Variants in TTC28 observed in about 807,000 individuals in gnomAD.
TTC28 encodes the protein tetratricopeptide repeat domain 28, also known as tetratricopeptide repeat protein 28.
A neutral mutation model predicts 198.0 loss-of-function variants in TTC28; 61 were observed. The observed-to-expected ratio is 0.31, with a 90% CI of 0.25 to 0.38. The LOEUF is 0.38. TTC28 is among the 10% of genes least tolerant of loss of function. The pLI, the probability that TTC28 is intolerant of heterozygous loss-of-function variation, is 1.00. For synonymous variants in TTC28, 1,171 were observed against 1,297.8 expected (o/e 0.90, Z 2.10); for missense variants, 2,678 against 3,164.0 (o/e 0.85, Z 3.69).
chr22:28,032,203 A>AT (rs1466799060), intron 12 of TTC28, among the ~76,000 whole-genome samples: 4 of 113,100 alleles, frequency 3.5e-5, no homozygotes, highest in Non-Finnish European at 5.6e-5. Flanking sequence ...ATATATATAT[A>AT]AAATATATAT....
At chr22:28,077,041 C>G (rs1181188412) in intron 12 of TTC28, among the ~76,000 whole-genome samples, 2 of 152,158 alleles carry the variant, frequency 1.3e-5, no homozygotes, top group African/African-American at 2.4e-5. Flanking sequence ...TACTTTTTCA[C>G]TTATTAATTA....
intron 5 of TTC28, among the ~76,000 whole-genome samples, chr22:28,205,205 G>A (rs1277715960): frequency 1.3e-5 from 2 of 151,806 alleles, no homozygotes; most frequent in African/African-American, 4.8e-5. Flanking sequence ...TTGTTTTAAC[G>A]CAACACACAC....
At chr22:28,136,150 C>T (rs909741535) in intron 6 of TTC28, among the ~76,000 whole-genome samples, 5 of 152,062 alleles carry the variant, frequency 3.3e-5, no homozygotes, top group African/African-American at 4.8e-5. Flanking sequence ...AAAATGCTTA[C>T]GTTTTGTTTT....
At chr22:28,552,235 CACAA>C (rs2049686744) in intron 2 of TTC28, among the ~76,000 whole-genome samples, 1 of 152,094 alleles carries the variant, frequency 6.6e-6, no homozygotes. Context: ...TCACAGATGA[CACAA>C]ACAAATGGAA....
intron 5 of TTC28, among the ~76,000 whole-genome samples, chr22:28,222,426 T>C (rs940552136): frequency 1.3e-5 from 2 of 152,190 alleles, no homozygotes; most frequent in African/African-American, 4.8e-5. Context: ...AAGAAAAACA[T>C]GTCTTGGCAC....
intron 20 of TTC28, among the ~76,000 whole-genome samples, chr22:27,990,274 C>T (rs1601486817): frequency 6.6e-6 from 1 of 152,302 alleles, no homozygotes; most frequent in Non-Finnish European, 1.5e-5. Context: ...TGTCTTCCCT[C>T]AGGCGTGGGA....
intron 6 of TTC28, among the ~76,000 whole-genome samples, chr22:28,136,114 C>A (rs1251633827): frequency 1.3e-5 from 2 of 152,150 alleles, no homozygotes; most frequent in African/African-American, 4.8e-5. Flanking sequence ...AATTTCTAAG[C>A]AATGACTAGT....
chr22:28,418,327 C>A (rs1443015719), intron 2 of TTC28, among the ~76,000 whole-genome samples: 1 of 152,178 alleles, frequency 6.6e-6, no homozygotes, highest in East Asian at 1.9e-4. Flanking sequence ...GTTCAACCCC[C>A]AATGACGGCA....
intron 6 of TTC28, among the ~76,000 whole-genome samples, chr22:28,128,749 A>G (rs575548660): frequency 1.1e-4 from 16 of 152,132 alleles, no homozygotes; most frequent in Non-Finnish European, 2.4e-4. Flanking sequence ...CATGTTGCCC[A>G]GGCTTGTCTC....
intron 5 of TTC28, among the ~76,000 whole-genome samples, chr22:28,171,413 G>C (rs896383326): frequency 2.6e-5 from 4 of 152,146 alleles, no homozygotes; most frequent in Non-Finnish European, 5.9e-5. Context: ...CCTGGCTAGG[G>C]AATAACAATG....
intron 2 of TTC28, among the ~76,000 whole-genome samples, chr22:28,595,538 T>C (rs1189953864): frequency 6.6e-6 from 1 of 152,148 alleles, no homozygotes; most frequent in Non-Finnish European, 1.5e-5. Flanking sequence ...AAACAGTGCC[T>C]CCACAAGATT....
intron 5 of TTC28, among the ~76,000 whole-genome samples, chr22:28,241,220 T>C (rs1199594684): frequency 6.6e-6 from 1 of 152,130 alleles, no homozygotes; most frequent in African/African-American, 2.4e-5. Context: ...TTCTGTAGTA[T>C]TTTTGCCCCC....
At chr22:28,466,448 C>A (rs1568961779) in intron 2 of TTC28, among the ~76,000 whole-genome samples, 5 of 152,160 alleles carry the variant, frequency 3.3e-5, no homozygotes, top group Non-Finnish European at 7.3e-5. Context: ...GCAAAAATTT[C>A]TATTACCTAG....
At chr22:28,408,396 ATT>A (rs531484059) in intron 2 of TTC28, among the ~76,000 whole-genome samples, 1 of 145,106 alleles carries the variant, frequency 6.9e-6, no homozygotes. Flanking sequence ...CCCAACTTTC[ATT>A]TTTTTTTTTT....
chr22:28,116,088 C>T (rs1386196215), intron 6 of TTC28, among the ~76,000 whole-genome samples: 1 of 152,144 alleles, frequency 6.6e-6, no homozygotes, highest in African/African-American at 2.4e-5. Context: ...TGCTCACCCC[C>T]ACCCCTCAAG....
At chr22:28,569,256 C>T (rs1296201065) in intron 2 of TTC28, among the ~76,000 whole-genome samples, 2 of 151,966 alleles carry the variant, frequency 1.3e-5, no homozygotes, top group Admixed American at 6.6e-5. Flanking sequence ...GTAAAAAGAA[C>T]AGAGCCAGGC....
chr22:28,279,641 A>G (rs2145730459), intron 5 of TTC28, among the ~76,000 whole-genome samples: 1 of 152,332 alleles, frequency 6.6e-6, no homozygotes, highest in South Asian at 2.1e-4. Context: ...AAGTGCTGGG[A>G]TTACAGGTGT....
intron 2 of TTC28, among the ~76,000 whole-genome samples, chr22:28,617,661 T>G (rs752166036): frequency 1.4e-4 from 21 of 152,184 alleles, no homozygotes; most frequent in Non-Finnish European, 3.1e-4. Context: ...CTTTGGCCAA[T>G]GGGAGAATAA....
intron 5 of TTC28, among the ~76,000 whole-genome samples, chr22:28,281,722 T>C (rs1458777558): frequency 6.6e-6 from 1 of 152,244 alleles, no homozygotes; most frequent in African/African-American, 2.4e-5. Flanking sequence ...CAATATCAAC[T>C]TTTCTGTTTT....
Sources: allele counts gnomAD v4.1 joint callset (sites outside exome capture counted in the v4.1 genomes callset), GRCh38; gene constraint gnomAD v4.1.1; transcripts MANE v1.5; gene names NCBI Gene and HGNC (gene_info 2026-07-23, HGNC 2026-07-21).